The following SDCCAG8 variants were observed in gnomAD, a reference collection of about 807,000 sequenced individuals.
The protein encoded by SDCCAG8 is serologically defined colon cancer antigen 8.
Under a neutral mutation model 101.8 loss-of-function variants are expected in SDCCAG8, and 74 were observed. The observed-to-expected ratio is 0.73, with a 90% CI of 0.60 to 0.88. SDCCAG8 has a LOEUF of 0.88. Among genes scored for constraint, SDCCAG8 ranks in the 40% least tolerant of loss-of-function variants. The pLI, the probability that SDCCAG8 is intolerant of heterozygous loss-of-function variation, is 0.00. For synonymous variants in SDCCAG8, 281 were observed against 292.9 expected, an observed-to-expected ratio of 0.96 and a Z score of 0.41; for missense variants, 787 against 822.6, an observed-to-expected ratio of 0.96 and a Z score of 0.53.
At chr1:243,311,280 T>C (rs2072696614) in intron 8 of SDCCAG8, among the ~76,000 whole-genome samples, 1 of 152,158 alleles carries the variant, frequency 6.6e-6, no homozygotes, top group Non-Finnish European at 1.5e-5. Flanking sequence ...CTCCAAAATA[T>C]ATTGTTGCAA....
intron 1 of SDCCAG8, among the ~76,000 whole-genome samples, chr1:243,265,146 A>G (rs1275825578): frequency 1.3e-5 from 2 of 152,244 alleles, no homozygotes; most frequent in Admixed American, 1.3e-4. Flanking sequence ...TCTTCTTCAC[A>G]TTAACTGTGT....
intron 17 of SDCCAG8, among the ~76,000 whole-genome samples, chr1:243,489,724 G>A (rs972868628): frequency 6.6e-6 from 1 of 152,140 alleles, no homozygotes; most frequent in South Asian, 2.1e-4. Context: ...TGTCTTCATG[G>A]TTTAGATAGG....
At chr1:243,470,048 G>A (rs1313757231) in intron 16 of SDCCAG8, among the ~76,000 whole-genome samples, 1 of 150,954 alleles carries the variant, frequency 6.6e-6, no homozygotes, top group African/African-American at 2.4e-5. Context: ...TTTTTTCACT[G>A]GATCATAGTT....
chr1:243,256,908 G>T (rs2066764511), intron 1 of SDCCAG8, among the ~76,000 whole-genome samples: 1 of 152,190 alleles, frequency 6.6e-6, no homozygotes, highest in Non-Finnish European at 1.5e-5. Flanking sequence ...TATTAATTTA[G>T]ATTTTCTTAC....
chr1:243,409,787 G>A (rs2080042706), intron 13 of SDCCAG8, among the ~76,000 whole-genome samples: 1 of 152,050 alleles, frequency 6.6e-6, no homozygotes, highest in Non-Finnish European at 1.5e-5. Flanking sequence ...TGATATTAAT[G>A]AATTAATAAA....
At chr1:243,469,618 C>T (rs1486834108) in intron 16 of SDCCAG8, among the ~76,000 whole-genome samples, 1 of 152,050 alleles carries the variant, frequency 6.6e-6, no homozygotes, top group Non-Finnish European at 1.5e-5. Flanking sequence ...CAATTTGATG[C>T]CCCTGCCTGC....
intron 5 of SDCCAG8, among the ~76,000 whole-genome samples, chr1:243,289,420 C>T (rs185985052): frequency 8.9e-4 from 135 of 152,328 alleles, no homozygotes; most frequent in South Asian, 1.4e-3. Context: ...AACATCCTCA[C>T]AGACACACCC....
At chr1:243,433,759 C>T (rs2148065783) in intron 16 of SDCCAG8, among the ~76,000 whole-genome samples, 1 of 152,272 alleles carries the variant, frequency 6.6e-6, no homozygotes, top group Non-Finnish European at 1.5e-5. Flanking sequence ...TAGACCCAAG[C>T]TCCCTGGGTA....
At chr1:243,274,324 C>T (rs1233509122) in intron 3 of SDCCAG8, among the ~76,000 whole-genome samples, 1 of 152,194 alleles carries the variant, frequency 6.6e-6, no homozygotes. Flanking sequence ...ACCTCCAATG[C>T]TGGGGGCCAC....
At chr1:243,298,963 T>C (rs2071232011) in intron 6 of SDCCAG8, among the ~76,000 whole-genome samples, 1 of 152,224 alleles carries the variant, frequency 6.6e-6, no homozygotes, top group Admixed American at 6.5e-5. Flanking sequence ...CATTTGGGAT[T>C]TTGATTGAGA....
At chr1:243,325,748 A>T (rs1355574187) in intron 9 of SDCCAG8, among the ~76,000 whole-genome samples, 1 of 152,210 alleles carries the variant, frequency 6.6e-6, no homozygotes. Context: ...CAATTGAGTG[A>T]TAAGAACCAA....
chr1:243,496,130 GATAA>G (rs1169600335), intron 17 of SDCCAG8, among the ~76,000 whole-genome samples: 8 of 152,258 alleles, frequency 5.3e-5, no homozygotes, highest in Non-Finnish European at 1.0e-4. Context: ...GGCCATTTGA[GATAA>G]ATAACCATTT....
At chr1:243,315,090 A>C (rs1326008340) in intron 8 of SDCCAG8, among the ~76,000 whole-genome samples, 1 of 152,212 alleles carries the variant, frequency 6.6e-6, no homozygotes, top group African/African-American at 2.4e-5. Flanking sequence ...CTCATTGAAT[A>C]GTTACTTTTG....
At chr1:243,478,784 C>G (rs1250672184) in intron 16 of SDCCAG8, among the ~76,000 whole-genome samples, 4 of 151,838 alleles carry the variant, frequency 2.6e-5, no homozygotes, top group Admixed American at 2.0e-4. Flanking sequence ...TGGTTAAACC[C>G]CAACTCCACT....
chr1:243,261,659 CAAAT>C (rs979829436), intron 1 of SDCCAG8, among the ~76,000 whole-genome samples: 2 of 152,162 alleles, frequency 1.3e-5, no homozygotes, highest in African/African-American at 4.8e-5. Flanking sequence ...ATGTGTAACT[CAAAT>C]AAGTATTCCT....
chr1:243,349,038 A>G (rs1408300727), intron 12 of SDCCAG8, among the ~76,000 whole-genome samples: 1 of 152,030 alleles, frequency 6.6e-6, no homozygotes, highest in East Asian at 1.9e-4. Context: ...ATTCTAAGAT[A>G]CAATTGCTAA....
At chr1:243,356,105 A>C (rs1472641734) in intron 12 of SDCCAG8, among the ~76,000 whole-genome samples, 2 of 152,332 alleles carry the variant, frequency 1.3e-5, no homozygotes, top group East Asian at 3.9e-4. Flanking sequence ...TAGCAAATTA[A>C]GCTATGCAAG....
intron 16 of SDCCAG8, among the ~76,000 whole-genome samples, chr1:243,446,696 CT>C (rs1373165864): frequency 6.6e-6 from 1 of 152,154 alleles, no homozygotes; most frequent in Admixed American, 6.5e-5. Context: ...GCCAGTGGAG[CT>C]TTTATATACT....
chr1:243,485,457 CAG>C (rs1664594006), intron 16 of SDCCAG8, among the ~76,000 whole-genome samples: 1 of 152,148 alleles, frequency 6.6e-6, no homozygotes, highest in African/African-American at 2.4e-5. Flanking sequence ...ACAAATATGA[CAG>C]AGCAGTAACC....
Sources: gnomAD v4.1 joint callset for allele counts (sites outside exome capture counted in the v4.1 genomes callset) on GRCh38, gnomAD v4.1.1 for gene constraint, MANE v1.5 for transcripts, NCBI Gene and HGNC (gene_info 2026-07-23, HGNC 2026-07-21) for gene names.